SH3BGRL: variants seen among roughly 807,000 people sequenced by gnomAD.
SH3BGRL encodes SH3 domain binding glutamate rich protein like.
SH3BGRL carries 7 observed loss-of-function variants against 9.8 expected under a neutral mutation model. That is an observed-to-expected ratio of 0.72 (90% confidence interval 0.41 to 1.35). SH3BGRL has a LOEUF of 1.35. Ranked by LOEUF, SH3BGRL falls within the 40% of genes most tolerant of loss-of-function variation. The pLI is 0.01. For missense variants in SH3BGRL, 73 were observed against 84.4 expected (o/e 0.86, Z 0.53); for synonymous variants, 36 against 29.1 (o/e 1.24, Z -0.76).
At chrX:81,296,272 C>T (rs2075874304) in intron 3 of SH3BGRL, among the ~76,000 whole-genome samples, 1 of 111,301 alleles carries the variant, frequency 9.0e-6, no homozygotes, top group African/African-American at 3.3e-5. Flanking sequence ...CAGGCTGCTC[C>T]TCCAACACTG....
intron 1 of SH3BGRL, among the ~76,000 whole-genome samples, chrX:81,239,492 A>G (rs2075660938): frequency 8.9e-6 from 1 of 112,081 alleles, no homozygotes; most frequent in Non-Finnish European, 1.9e-5. Flanking sequence ...AGGAGACAAA[A>G]GAAAAAAGAA....
chrX:81,235,410 T>TGCTA (rs2075644910), intron 1 of SH3BGRL, among the ~76,000 whole-genome samples: 1 of 110,643 alleles, frequency 9.0e-6, no homozygotes, highest in Non-Finnish European at 1.9e-5. Flanking sequence ...TGCTTGGGGT[T>TGCTA]GCTAGGTAGT....
chrX:81,247,942 G>T (rs146404396), intron 1 of SH3BGRL, among the ~76,000 whole-genome samples: 1 of 98,382 alleles, frequency 1.0e-5, no homozygotes, highest in South Asian at 5.7e-4. Flanking sequence ...TTTTTTTTTG[G>T]TTGGAAGTTT....
In SH3BGRL at chrX:81,227,299, G is replaced by C. The variant is rs187742673; in HGVS notation, c.45+25054G>C. The stretch of plus-strand genomic sequence containing the variant: ...TGGCCACATTTTATTTTGATCTACA[G>C]AAGATTTCCAGATCCATTGCTAAAG... On this transcript the variant is annotated intron_variant, in intron 1 of 3. Transcript: ENST00000373212. 3.5e-3 allele frequency among the ~76,000 whole-genome samples: 391 copies of C among 112,313 alleles called. 1 individual carries two copies. Among genetic ancestry groups the C allele is most frequent in the African/African-American group, 0.012 (368 of 31,003 alleles).
intron 1 of SH3BGRL, among the ~76,000 whole-genome samples, chrX:81,234,304 A>T (rs924528230): frequency 8.9e-6 from 1 of 112,372 alleles, no homozygotes; most frequent in Non-Finnish European, 1.9e-5. Flanking sequence ...TTTCTGCATT[A>T]TGCATTAATA....
intron 1 of SH3BGRL, among the ~76,000 whole-genome samples, chrX:81,254,858 G>A (rs942895351): frequency 2.7e-5 from 3 of 109,722 alleles, no homozygotes; most frequent in Non-Finnish European, 5.7e-5. Context: ...AATATACATT[G>A]CTTTGTGGAG....
At chrX:81,211,606 GAGT>G (rs2075564851) in intron 1 of SH3BGRL, among the ~76,000 whole-genome samples, 1 of 111,033 alleles carries the variant, frequency 9.0e-6, no homozygotes, top group South Asian at 3.8e-4. Flanking sequence ...AAAAGTCAGT[GAGT>G]TGGGGAAGGC....
intron 3 of SH3BGRL, among the ~76,000 whole-genome samples, chrX:81,283,829 CAA>C (rs1181694916): frequency 9.0e-6 from 1 of 110,713 alleles, no homozygotes; most frequent in Non-Finnish European, 1.9e-5. Flanking sequence ...TGCAATCAGA[CAA>C]GAGAAAGAAA....
intron 1 of SH3BGRL, among the ~76,000 whole-genome samples, chrX:81,243,989 A>G (rs1208714491): frequency 2.7e-5 from 3 of 111,961 alleles, no homozygotes; most frequent in Non-Finnish European, 3.8e-5. Flanking sequence ...TGAAATGATA[A>G]CAGTAATAAT....
intron 1 of SH3BGRL, among the ~76,000 whole-genome samples, chrX:81,209,429 A>T (rs1251524975): frequency 8.9e-6 from 1 of 111,797 alleles, no homozygotes; most frequent in East Asian, 2.8e-4. Flanking sequence ...ATAATATTTT[A>T]ACATAGTAAT....
At chrX:81,257,709 C>A (rs1254444727) in intron 1 of SH3BGRL, among the ~76,000 whole-genome samples, 2 of 110,998 alleles carry the variant, frequency 1.8e-5, no homozygotes, top group Non-Finnish European at 3.8e-5. Flanking sequence ...TCACCTTTGC[C>A]AAATTCTATT....
intron 1 of SH3BGRL, among the ~76,000 whole-genome samples, chrX:81,265,401 T>A (rs1388331220): frequency 9.1e-6 from 1 of 109,390 alleles, no homozygotes; most frequent in Admixed American, 9.8e-5. Flanking sequence ...GATGTTTCCC[T>A]CCCTGTGTCC....
intron 3 of SH3BGRL, among the ~76,000 whole-genome samples, chrX:81,291,249 A>C (rs1014388835): frequency 9.0e-6 from 1 of 111,659 alleles, no homozygotes; most frequent in African/African-American, 3.3e-5. Context: ...TAAAGAAAAG[A>C]AGTTTAATTT....
intron 1 of SH3BGRL, among the ~76,000 whole-genome samples, chrX:81,243,817 A>T (rs769807031): frequency 1.8e-5 from 2 of 111,681 alleles, no homozygotes; most frequent in South Asian, 7.5e-4. Context: ...TGAGGGTAAG[A>T]ACTCATGTCC....
At chrX:81,291,557 C>G (rs1391931279) in intron 3 of SH3BGRL, among the ~76,000 whole-genome samples, 2 of 111,448 alleles carry the variant, frequency 1.8e-5, no homozygotes, top group Non-Finnish European at 3.8e-5. Context: ...TGCCTCTGGC[C>G]CCTCCCAAAT....
At chrX:81,222,235 A>G (rs1474770625) in intron 1 of SH3BGRL, among the ~76,000 whole-genome samples, 2 of 110,258 alleles carry the variant, frequency 1.8e-5, no homozygotes, top group Admixed American at 1.9e-4. Flanking sequence ...GGTTTGTTAC[A>G]TATGTATACA....
intron 1 of SH3BGRL, among the ~76,000 whole-genome samples, chrX:81,266,853 C>T (rs951819760): frequency 1.3e-4 from 14 of 111,929 alleles, no homozygotes; most frequent in African/African-American, 4.5e-4. Context: ...GAATGTTTTT[C>T]GATTTGTTTG....
intron 1 of SH3BGRL, among the ~76,000 whole-genome samples, chrX:81,272,226 T>A (rs1299447506): frequency 9.3e-6 from 1 of 107,975 alleles, no homozygotes; most frequent in African/African-American, 3.4e-5. Context: ...AGACAATAGT[T>A]TAGTAGGTCG....
intron 1 of SH3BGRL, among the ~76,000 whole-genome samples, chrX:81,270,690 C>G (rs1737039942): frequency 8.9e-6 from 1 of 111,942 alleles, no homozygotes; most frequent in South Asian, 3.7e-4. Context: ...GGTCAGGGAC[C>G]CACTTGAGGA....
Sources: allele counts gnomAD v4.1 joint callset (sites outside exome capture counted in the v4.1 genomes callset), GRCh38; gene constraint gnomAD v4.1.1; transcripts MANE v1.5; gene names NCBI Gene and HGNC (gene_info 2026-07-23, HGNC 2026-07-21).